Variants in CALN1 observed in about 807,000 individuals in gnomAD.
CALN1 encodes the protein calcium-binding protein 8.
CALN1 carries 17 observed loss-of-function variants against 30.6 expected under a neutral mutation model. The ratio of observed to expected loss-of-function variants is 0.56; its 90% CI spans 0.38 to 0.83. The LOEUF is 0.83. Ranked by LOEUF, CALN1 falls within the 40% of genes least tolerant of loss-of-function variation. The pLI, the probability that CALN1 is intolerant of heterozygous loss-of-function variation, is 0.00. For synonymous variants in CALN1, 156 were observed against 131.4 expected (o/e 1.19, Z -1.28); for missense variants, 291 against 354.9 (o/e 0.82, Z 1.45).
intron 2 of CALN1, among the ~76,000 whole-genome samples, chr7:72,302,893 CAAAAAAA>C (rs71069055): frequency 1.8e-4 from 9 of 48,750 alleles, no homozygotes; most frequent in Admixed American, 1.1e-3. Context: ...GTGAGGGTCT[CAAAAAAA>C]AAAAAAAAAA....
intron 2 of CALN1, among the ~76,000 whole-genome samples, chr7:72,382,109 C>A (rs1272471466): frequency 2.0e-5 from 3 of 152,086 alleles, no homozygotes; most frequent in Non-Finnish European, 4.4e-5. Context: ...AATGCAAGCC[C>A]CTTGGATGGA....
chr7:71,989,754 A>C (rs531695489), intron 5 of CALN1, among the ~76,000 whole-genome samples: 1 of 152,168 alleles, frequency 6.6e-6, no homozygotes, highest in South Asian at 2.1e-4. Context: ...AGAGGAGAAA[A>C]ACAACTCCAA....
chr7:72,052,957 C>T (rs984630238), intron 4 of CALN1, among the ~76,000 whole-genome samples: 2 of 148,542 alleles, frequency 1.3e-5, no homozygotes, highest in African/African-American at 2.4e-5. Context: ...AGGCCAGGTG[C>T]GGTGGCTCAC....
At chr7:72,110,012 T>C (rs1807450157) in intron 3 of CALN1, among the ~76,000 whole-genome samples, 1 of 152,228 alleles carries the variant, frequency 6.6e-6, no homozygotes. Context: ...TAGCCAGTTG[T>C]AAGCTAAGTC....
In CALN1 at chr7:72,167,315, C is replaced by G. The variant is rs555607940; in HGVS notation, c.245-61021G>C. ...CAATAGTAGATTGAGAATCAGTAGA[C>G]TAACATTCTAGTTTCTTTTTTGTTG... On this transcript the variant is annotated intron_variant, in intron 3 of 6. Coordinates refer to ENST00000395275, the MANE Select transcript of CALN1 (RefSeq NM_031468.4). 7.9e-5 allele frequency among the ~76,000 whole-genome samples: 12 copies of G among 152,186 alleles called. No individual in the cohort carries two copies. In the East Asian group the frequency reaches 1.9e-3, roughly 25 times the overall value.
intron 3 of CALN1, among the ~76,000 whole-genome samples, chr7:72,231,619 T>C (rs1436136177): frequency 6.6e-6 from 1 of 152,140 alleles, no homozygotes; most frequent in East Asian, 1.9e-4. Context: ...TGTAACAGAA[T>C]GATATTTTAT....
intron 5 of CALN1, among the ~76,000 whole-genome samples, chr7:72,007,936 A>G (rs1799865021): frequency 1.3e-5 from 2 of 152,314 alleles, no homozygotes; most frequent in South Asian, 2.1e-4. Context: ...GGCAATATCA[A>G]ATACACACAG....
chr7:71,860,859 C>A (rs1280750654), intron 5 of CALN1, among the ~76,000 whole-genome samples: 1 of 152,148 alleles, frequency 6.6e-6, no homozygotes, highest in African/African-American at 2.4e-5. Flanking sequence ...GGTGGTGCTA[C>A]TCTCACCAAA....
At chr7:71,795,352 C>A (rs1055114635) in intron 6 of CALN1, among the ~76,000 whole-genome samples, 2 of 152,090 alleles carry the variant, frequency 1.3e-5, no homozygotes, top group Non-Finnish European at 2.9e-5. Context: ...TGGGGCCCAG[C>A]CCAAACTTTT....
chr7:72,171,496 G>A (rs1314213574), intron 3 of CALN1, among the ~76,000 whole-genome samples: 1 of 152,040 alleles, frequency 6.6e-6, no homozygotes, highest in Non-Finnish European at 1.5e-5. Flanking sequence ...TAAAATGCAT[G>A]GTGACTGATA....
intron 1 of CALN1, among the ~76,000 whole-genome samples, chr7:72,410,503 A>G (rs1364342154): frequency 1.3e-5 from 2 of 152,166 alleles, no homozygotes; most frequent in African/African-American, 2.4e-5. Flanking sequence ...ACGGAAATAA[A>G]ATATATACAC....
chr7:72,249,520 CAG>C (rs1238582730), intron 3 of CALN1, among the ~76,000 whole-genome samples: 1 of 152,122 alleles, frequency 6.6e-6, no homozygotes, highest in Non-Finnish European at 1.5e-5. Context: ...AACAGACCTT[CAG>C]CAGGGCATGG....
At chr7:72,010,733 A>AACC (rs1279226389) in intron 5 of CALN1, among the ~76,000 whole-genome samples, 1 of 151,862 alleles carries the variant, frequency 6.6e-6, no homozygotes, top group Non-Finnish European at 1.5e-5. Context: ...AAATTGCTTG[A>AACC]ACCCAGGAGG....
chr7:72,371,817 C>G (rs1804260050), intron 2 of CALN1, among the ~76,000 whole-genome samples: 1 of 152,208 alleles, frequency 6.6e-6, no homozygotes, highest in Admixed American at 6.5e-5. Flanking sequence ...CAGTAGTCTT[C>G]CATTTCTGGG....
intron 3 of CALN1, among the ~76,000 whole-genome samples, chr7:72,266,550 T>C (rs1410188710): frequency 6.6e-6 from 1 of 152,210 alleles, no homozygotes; most frequent in Admixed American, 6.5e-5. Flanking sequence ...TTTTTTTCCT[T>C]CCTCCCTGTG....
At chr7:72,300,354 A>G (rs1799168923) in intron 2 of CALN1, among the ~76,000 whole-genome samples, 2 of 152,006 alleles carry the variant, frequency 1.3e-5, no homozygotes, top group Admixed American at 6.6e-5. Context: ...CTGTCCTGAG[A>G]TGTAGCCAAA....
At chr7:71,877,569 T>C (rs1364861312) in intron 5 of CALN1, among the ~76,000 whole-genome samples, 1 of 151,702 alleles carries the variant, frequency 6.6e-6, no homozygotes, top group African/African-American at 2.4e-5. Flanking sequence ...AGTACTTAAC[T>C]CAATATAATG....
chr7:71,878,685 C>A (rs1422112742), intron 5 of CALN1, among the ~76,000 whole-genome samples: 1 of 152,138 alleles, frequency 6.6e-6, no homozygotes, highest in African/African-American at 2.4e-5. Context: ...CTTGAAAACA[C>A]AAAAATGCCC....
chr7:71,899,847 C>T (rs183073311), intron 5 of CALN1, among the ~76,000 whole-genome samples: 1 of 152,090 alleles, frequency 6.6e-6, no homozygotes. Context: ...GTTTGATTCT[C>T]TGGAAAAAAA....
Sources: allele counts gnomAD v4.1 joint callset (sites outside exome capture counted in the v4.1 genomes callset), GRCh38; gene constraint gnomAD v4.1.1; transcripts MANE v1.5; gene names NCBI Gene and HGNC (gene_info 2026-07-23, HGNC 2026-07-21).